Variants in DPP10 observed in about 807,000 individuals in gnomAD.
DPP10 encodes the protein inactive dipeptidyl peptidase 10.
In DPP10, 33 loss-of-function variants were observed where a neutral mutation model predicts 120.9. The observed-to-expected ratio is 0.27, with a 90% CI of 0.21 to 0.37. The LOEUF (loss-of-function observed/expected upper bound fraction) is 0.37. DPP10 is among the 10% of genes least tolerant of loss of function. The probability of loss-of-function intolerance (pLI) is 1.00; values close to 1 mark genes in which losing one functional copy is unlikely to be tolerated. For synonymous variants in DPP10, 337 were observed against 326.1 expected (o/e 1.03, Z -0.36); for missense variants, 816 against 942.8 (o/e 0.87, Z 1.76).
intron 1 of DPP10, among the ~76,000 whole-genome samples, chr2:115,305,642 G>C (rs1416692068): frequency 6.6e-6 from 1 of 151,964 alleles, no homozygotes; most frequent in African/African-American, 2.4e-5. Flanking sequence ...GAAGGCATAG[G>C]CAGGAAGATG....
rs572969591 is a variant in DPP10 at position 114,948,972 on chromosome 2, T to G, written c.61-360267T>G. The stretch of plus-strand genomic sequence containing the variant: ...GGGAGTCTTGCTCTGTCGCCCAGGC[T>G]GGAGTACAGTGGCACAATCTCAGCT... On this transcript the variant is annotated intron_variant, in intron 1 of 25. Transcript: ENST00000410059. Among the ~76,000 whole-genome samples the G allele has an allele frequency of 4.0e-3, 607 of 151,892 alleles. 14 individuals carry two copies. Among genetic ancestry groups the G allele is most frequent in the Non-Finnish European group, 1.9e-3 (126 of 67,942 alleles).
At chr2:115,365,631 C>G (rs919883534) in intron 3 of DPP10, among the ~76,000 whole-genome samples, 3 of 151,856 alleles carry the variant, frequency 2.0e-5, no homozygotes, top group Non-Finnish European at 4.4e-5. Flanking sequence ...TCTGGAAAGT[C>G]AAAACCAGAA....
intron 1 of DPP10, among the ~76,000 whole-genome samples, chr2:115,206,581 C>G (rs2056148262): frequency 6.6e-6 from 1 of 152,126 alleles, no homozygotes; most frequent in Non-Finnish European, 1.5e-5. Flanking sequence ...ATTTGTTCTA[C>G]AGAAGACATC....
intron 5 of DPP10, among the ~76,000 whole-genome samples, chr2:115,554,751 A>G (rs2080103762): frequency 6.6e-6 from 1 of 152,128 alleles, no homozygotes; most frequent in African/African-American, 2.4e-5. Flanking sequence ...GGCAGTCTTA[A>G]TAATTTTCAT....
chr2:115,319,568 T>C (rs2061959915), intron 2 of DPP10, among the ~76,000 whole-genome samples: 1 of 152,178 alleles, frequency 6.6e-6, no homozygotes, highest in African/African-American at 2.4e-5. Flanking sequence ...ACTTACTCAT[T>C]ATAGGTCTGT....
rs1707038179 is a variant in DPP10 at position 115,067,864 on chromosome 2, AAAAAAAAAAAAAAAAAG to A, written c.61-241366_61-241350del. On this transcript the variant is annotated intron_variant, in intron 1 of 25. Coordinates refer to ENST00000410059, the MANE Select transcript of DPP10 (RefSeq NM_020868.6). ...GCGACACAGCAAGACTCTGTCTCAAAAAAAAAAAAAAAAAAAGAAAAAAAAGAAAAATATTCCTGTGT... is the reference window on the plus strand; with the variant it reads ...GCGACACAGCAAGACTCTGTCTCAAAAAAAAAAAGAAAAATATTCCTGTGT... Among the ~76,000 whole-genome samples, 3 of 103,968 alleles carry A rather than the reference AAAAAAAAAAAAAAAAAG, an allele frequency of 2.9e-5. No homozygotes were observed. The South Asian group carries it at 7.4e-4, about 26-fold the overall frequency. The allele number at this position is 103,968 out of a possible 152,430, so 68.2% of individuals were successfully genotyped here. A position where few individuals can be genotyped will look rare whatever the true frequency, so the allele number is the denominator to read the frequency against.
chr2:114,642,442 A>C (rs1438215000), intron 1 of DPP10, among the ~76,000 whole-genome samples: 1 of 151,938 alleles, frequency 6.6e-6, no homozygotes, highest in Non-Finnish European at 1.5e-5. Context: ...ATGAGTTGAC[A>C]AAATTAAACA....
chr2:115,568,083 C>A (rs563200816), intron 5 of DPP10, among the ~76,000 whole-genome samples: 1 of 151,766 alleles, frequency 6.6e-6, no homozygotes, highest in Non-Finnish European at 1.5e-5. Context: ...GAGGCTGAGG[C>A]AGGACAGCCA....
intron 1 of DPP10, among the ~76,000 whole-genome samples, chr2:114,707,792 G>A (rs1025633242): frequency 6.6e-6 from 1 of 152,096 alleles, no homozygotes; most frequent in Non-Finnish European, 1.5e-5. Flanking sequence ...GTAGTGGAGC[G>A]ACAGATTCTA....
At chr2:114,677,710 G>C (rs1260313650) in intron 1 of DPP10, among the ~76,000 whole-genome samples, 1 of 152,010 alleles carries the variant, frequency 6.6e-6, no homozygotes, top group Admixed American at 6.6e-5. Flanking sequence ...TATAGTGTTT[G>C]TTTCTCTACA....
chr2:114,907,310 T>A (rs905981785), intron 1 of DPP10, among the ~76,000 whole-genome samples: 1 of 152,060 alleles, frequency 6.6e-6, no homozygotes, highest in Non-Finnish European at 1.5e-5. Flanking sequence ...ATTTCTGTTC[T>A]AACTTTTATT....
At chr2:115,603,348 C>A (rs1442048165) in intron 5 of DPP10, among the ~76,000 whole-genome samples, 1 of 134,958 alleles carries the variant, frequency 7.4e-6, no homozygotes, top group Non-Finnish European at 1.6e-5. Flanking sequence ...GCCACCCCCC[C>A]AAAAAGAAAC....
chr2:114,679,768 C>T (rs560090701), intron 1 of DPP10, among the ~76,000 whole-genome samples: 49 of 152,080 alleles, frequency 3.2e-4, no homozygotes, highest in African/African-American at 1.2e-3. Context: ...AGGGCTTTCT[C>T]ACTGATTACA....
Position 115,244,239 on chromosome 2 carries a change from T to G in DPP10, c.61-65000T>G, listed in dbSNP as rs11690926. Among the ~76,000 whole-genome samples, 465 of 93,452 alleles carry G rather than the reference T, an allele frequency of 5.0e-3. 3 individuals carry two copies. The highest frequency in any genetic ancestry group is 0.025 in the East Asian group (78 of 3,174). 61.3% of individuals were successfully genotyped at this position (93,452 alleles called of 152,430 possible). A position where few individuals can be genotyped will look rare whatever the true frequency, so the allele number is the denominator to read the frequency against. On this transcript the variant is annotated intron_variant, in intron 1 of 25. Coordinates refer to ENST00000410059, the MANE Select transcript of DPP10 (RefSeq NM_020868.6). ...GTGTATATATATATATATATATATA[T>G]AGAGAGAGAGAGAGAGAGAGAGAGA...
chr2:114,960,793 A>G (rs1178895613), intron 1 of DPP10, among the ~76,000 whole-genome samples: 1 of 152,168 alleles, frequency 6.6e-6, no homozygotes. Context: ...TATGAATTGC[A>G]TTCTTCTGTC....
chr2:114,501,753 C>T (rs1683202448), intron 1 of DPP10, among the ~76,000 whole-genome samples: 1 of 151,996 alleles, frequency 6.6e-6, no homozygotes, highest in South Asian at 2.1e-4. Flanking sequence ...TTTCATTTTG[C>T]AACTCTCATG....
intron 8 of DPP10, among the ~76,000 whole-genome samples, chr2:115,731,773 A>G (rs576998652): frequency 6.6e-6 from 1 of 152,192 alleles, no homozygotes; most frequent in Non-Finnish European, 1.5e-5. Flanking sequence ...CCAAAGACTC[A>G]TCCTACTGTC....
chr2:115,471,299 C>A (rs2074701615), intron 3 of DPP10, among the ~76,000 whole-genome samples: 1 of 152,152 alleles, frequency 6.6e-6, no homozygotes, highest in Admixed American at 6.5e-5. Context: ...CTTCAGACAG[C>A]CTTTGTATCA....
At chr2:114,697,771 C>G (rs1157902560) in intron 1 of DPP10, among the ~76,000 whole-genome samples, 1 of 139,048 alleles carries the variant, frequency 7.2e-6, no homozygotes, top group East Asian at 2.2e-4. Flanking sequence ...AAAAAAAAGA[C>G]TAGCAGAAGC....
Sources: gnomAD v4.1 joint callset for allele counts (sites outside exome capture counted in the v4.1 genomes callset) on GRCh38, gnomAD v4.1.1 for gene constraint, MANE v1.5 for transcripts, NCBI Gene and HGNC (gene_info 2026-07-23, HGNC 2026-07-21) for gene names.